ABLIM1: variants seen among roughly 807,000 people sequenced by gnomAD.
ABLIM1 encodes actin-binding LIM protein 1.
In ABLIM1, 40 loss-of-function variants were observed where a neutral mutation model predicts 107.0. The observed-to-expected ratio is 0.37, with a 90% CI of 0.29 to 0.49. The LOEUF is 0.49. Ranked by LOEUF, ABLIM1 falls within the 20% of genes least tolerant of loss-of-function variation. The pLI, the probability that ABLIM1 is intolerant of heterozygous loss-of-function variation, is 0.97. For missense variants in ABLIM1, 857 were observed against 1,008.5 expected (o/e 0.85, Z 2.04); for synonymous variants, 357 against 357.3 (o/e 1.00, Z 0.01).
intron 14 of ABLIM1, chr10:114,450,071 T>C (rs1026397461): frequency 4.1e-5 from 16 of 390,254 alleles, no homozygotes; most frequent in African/African-American, 2.2e-4. Flanking sequence ...AGCCTGTAAG[T>C]TGACAAATCA....
chr10:114,530,816 G>A (rs894106165), intron 6 of ABLIM1, among the ~76,000 whole-genome samples: 1 of 152,200 alleles, frequency 6.6e-6, no homozygotes, highest in African/African-American at 2.4e-5. Flanking sequence ...TTATAGGCGT[G>A]AGCCACCACA....
chr10:114,800,030 C>T, the ABLIM1 span, among the ~76,000 whole-genome samples: 1 of 152,204 alleles, frequency 6.6e-6, no homozygotes, highest in South Asian at 2.1e-4. Flanking sequence ...CCTGCCTCAG[C>T]CTACCAAAGT....
intron 2 of ABLIM1, among the ~76,000 whole-genome samples, chr10:114,585,422 A>G (rs892854664): frequency 1.3e-5 from 2 of 152,028 alleles, no homozygotes. Flanking sequence ...AGGCACAAAC[A>G]CCATTTTTTG....
chr10:114,491,668 C>T (rs767612078), intron 7 of ABLIM1, 123 bp downstream of exon 7: 2 of 900,966 alleles, frequency 2.2e-6, no homozygotes, highest in Non-Finnish European at 3.4e-6. Flanking sequence ...CCATAATCTT[C>T]TTGGATTTGG....
rs1167397718 is a variant in ABLIM1 at position 114,762,172 on chromosome 10, A to G, written c.-213+5889T>C. Among the ~76,000 whole-genome samples the G allele has an allele frequency of 2.0e-5, 3 of 152,090 alleles. No homozygotes were observed. In the East Asian group the frequency reaches 5.8e-4, roughly 29 times the overall value. On this transcript the variant is annotated intron_variant, in intron 1 of 15. Coordinates refer to the ABLIM1 transcript ENST00000651092. ...CTCAGCCTCCCACATAGCTGAGACT[A>G]CAGGCGCCCGCCACCACGCCCAGCT... is the stretch of plus-strand genomic sequence containing the variant.
chr10:114,676,500 C>A (rs927048694), intron 1 of ABLIM1, among the ~76,000 whole-genome samples: 4 of 149,988 alleles, frequency 2.7e-5, no homozygotes, highest in African/African-American at 9.8e-5. Context: ...CTCAAAAAAA[C>A]AAAAAAAAAG....
chr10:114,601,369 A>G (rs2075981800), intron 2 of ABLIM1, among the ~76,000 whole-genome samples: 1 of 150,940 alleles, frequency 6.6e-6, no homozygotes, highest in Admixed American at 6.6e-5. Flanking sequence ...GGTTCAAGCG[A>G]TTCTCCTGCC....
intron 1 of ABLIM1, among the ~76,000 whole-genome samples, chr10:114,606,383 A>G (rs895318860): frequency 1.3e-5 from 2 of 151,948 alleles, no homozygotes; most frequent in Non-Finnish European, 2.9e-5. Flanking sequence ...CTATAGGCGC[A>G]CACCTCCATG....
At chr10:114,442,437 C>T (rs1885333) in intron 17 of ABLIM1, among the ~76,000 whole-genome samples, 95,847 of 152,116 alleles carry the variant, frequency 0.63, 31,104 homozygotes, top group African/African-American at 0.8. Flanking sequence ...TCTGTATCTC[C>T]GGACATGGTG....
chr10:114,704,329 TATATA>T, intron 1 of ABLIM1, among the ~76,000 whole-genome samples: 1 of 86,672 alleles, frequency 1.2e-5, no homozygotes. Flanking sequence ...TATATATATA[TATATA>T]TTGCGCGCGT....
chr10:114,769,502 G>A (rs1302088356), upstream of ABLIM1, among the ~76,000 whole-genome samples: 62 of 149,232 alleles, frequency 4.2e-4, no homozygotes, highest in Admixed American at 7.4e-4. Flanking sequence ...AGGGAAGGAA[G>A]AGAGAGAAGG....
intron 1 of ABLIM1, among the ~76,000 whole-genome samples, chr10:114,611,496 A>T: frequency 6.6e-6 from 1 of 151,932 alleles, no homozygotes; most frequent in South Asian, 2.1e-4. Context: ...ATACTCTGAT[A>T]CTTCTGATAC....
At chr10:114,593,497 G>A (rs987150701) in intron 2 of ABLIM1, among the ~76,000 whole-genome samples, 2 of 152,176 alleles carry the variant, frequency 1.3e-5, no homozygotes, top group African/African-American at 4.8e-5. Flanking sequence ...GGATGCTGCA[G>A]TCTCAGTGGG....
Position 114,631,940 on chromosome 10 carries a change from C to A in ABLIM1, c.244+26017G>T, listed in dbSNP as rs780310457. 9.2e-6 allele frequency: 12 copies of A among 1,304,380 alleles called. No individual in the cohort carries two copies. The South Asian group carries it at 1.5e-4, about 16-fold the overall frequency. 80.8% of individuals were successfully genotyped at this position (1,304,380 alleles called of 1,614,324 possible). On this transcript the variant is annotated intron_variant, in intron 1 of 22. Coordinates refer to ENST00000533213, the MANE Select transcript of ABLIM1 (RefSeq NM_002313.7). ...CATGGCAACCGGGTCCTCCGACGAG[C>A]AGGACTGAAGAAGGAACGAGGAATA...
At position 114,577,497 on chromosome 10, in the gene ABLIM1, A is replaced by G. The variant is rs117961096; in HGVS notation, c.380-1898T>C. On this transcript the variant is annotated intron_variant, in intron 2 of 22. Transcript: ENST00000533213. ...GTAATCTGGTGGCAATACACAAAAA[A>G]TAGATTGAGATAGTTTCAAAGCTAA... is the stretch of plus-strand genomic sequence containing the variant. Among the ~76,000 whole-genome samples the G allele has an allele frequency of 7.5e-3, 1,143 of 152,346 alleles. 8 individuals carry two copies. The highest frequency in any genetic ancestry group is 0.012 in the Non-Finnish European group (839 of 68,030).
Position 114,747,933 on chromosome 10 carries a change from G to A in ABLIM1, c.-213+20128C>T, listed in dbSNP as rs1182840207. On this transcript the variant is annotated intron_variant, in intron 1 of 15. Coordinates refer to the ABLIM1 transcript ENST00000651092. The stretch of plus-strand genomic sequence containing the variant: ...TATGTGCCTGTAATCCCAGCTACTT[G>A]GGAGGCTGAGGCACGAGAATCGCTT... 4.6e-5 allele frequency among the ~76,000 whole-genome samples: 7 copies of A among 152,264 alleles called. No homozygotes were observed. The East Asian group carries it at 1.4e-3, about 29-fold the overall frequency.
chr10:114,600,662 G>A (rs77056285), intron 2 of ABLIM1, among the ~76,000 whole-genome samples: 3,936 of 152,154 alleles, frequency 0.026, 189 homozygotes, highest in African/African-American at 0.089. Flanking sequence ...ATGAAGGTGC[G>A]TACCACAGGC....
At chr10:114,528,485 A>G (rs564745699) in intron 6 of ABLIM1, among the ~76,000 whole-genome samples, 1 of 152,338 alleles carries the variant, frequency 6.6e-6, no homozygotes, top group East Asian at 1.9e-4. Flanking sequence ...TGGCTTATAC[A>G]TCATAATAAT....
the ABLIM1 span, among the ~76,000 whole-genome samples, chr10:114,790,868 A>G: frequency 6.6e-6 from 1 of 152,208 alleles, no homozygotes; most frequent in Non-Finnish European, 1.5e-5. Context: ...TGGAAGACTC[A>G]AGGGTTGGCT....
Sources: gnomAD v4.1 joint callset for allele counts (sites outside exome capture counted in the v4.1 genomes callset) on GRCh38, gnomAD v4.1.1 for gene constraint, MANE v1.5 for transcripts, NCBI Gene and HGNC (gene_info 2026-07-23, HGNC 2026-07-21) for gene names.